The following MACIR variants were observed in gnomAD, a reference collection of about 807,000 sequenced individuals.
MACIR encodes the protein macrophage immunometabolism regulator, also known as UNC119-binding protein C5orf30.
MACIR carries 4 observed loss-of-function variants against 14.3 expected under a neutral mutation model. The observed-to-expected ratio is 0.28, with a 90% confidence interval of 0.14 to 0.64. MACIR has a LOEUF of 0.64. Among genes scored for constraint, MACIR ranks in the 30% least tolerant of loss-of-function variants. MACIR has a pLI of 0.83. For synonymous variants in MACIR, 101 were observed against 102.4 expected (o/e 0.99, Z 0.08); for missense variants, 228 against 257.6 (o/e 0.89, Z 0.79).
Position 103,261,701 on chromosome 5 carries a change from T to TCTTC in MACIR, c.-114+2809_-114+2812dup, listed in dbSNP as rs1255946101. 1.8e-3 allele frequency among the ~76,000 whole-genome samples: 214 copies of TCTTC among 116,180 alleles called. 4 individuals carry two copies. The highest frequency in any genetic ancestry group is 7.0e-3 in the African/African-American group (192 of 27,616). 76.2% of individuals were successfully genotyped at this position (116,180 alleles called of 152,430 possible). On this transcript the variant is annotated intron_variant, in intron 1 of 2. Coordinates refer to ENST00000319933, the MANE Select transcript of MACIR (RefSeq NM_033211.4). ...TTCTTTCTTTCTTTCTTTCTTTCTT[T>TCTTC]CTTCCTTTCTTTCTTTCTTTCTTTC...
intron 1 of MACIR, chr5:103,259,716 C>G (rs1404003587): frequency 6.6e-6 from 1 of 152,336 alleles, no homozygotes; most frequent in Non-Finnish European, 1.5e-5. Flanking sequence ...GGGCCCGGTC[C>G]GAGCCAGAAG....
intron 2 of MACIR, among the ~76,000 whole-genome samples, chr5:103,274,643 A>G (rs1805254399): frequency 6.6e-6 from 1 of 151,738 alleles, no homozygotes; most frequent in African/African-American, 2.4e-5. Context: ...CATGTGGTGG[A>G]ATAAAGTGCT....
chr5:103,267,423 T>G (rs1324853723), intron 2 of MACIR, among the ~76,000 whole-genome samples: 1 of 152,182 alleles, frequency 6.6e-6, no homozygotes, highest in Non-Finnish European at 1.5e-5. Flanking sequence ...AAATATTTTC[T>G]CTCTGTGATT....
chr5:103,274,609 C>G (rs1404791804), intron 2 of MACIR, among the ~76,000 whole-genome samples: 1 of 150,796 alleles, frequency 6.6e-6, no homozygotes, highest in East Asian at 1.9e-4. Flanking sequence ...TTCACAATCT[C>G]CTAATGAAGG....
Position 103,258,833 on chromosome 5 carries a change from C to G in MACIR, c.-177C>G, listed in dbSNP as rs374655483. On this transcript the variant is annotated 5_prime_UTR_variant, in exon 1 of 3. Transcript: ENST00000319933. The stretch of plus-strand genomic sequence containing the variant: ...CTCGGCGCCGCAGTCCTGCGCCTCT[C>G]CCGCCCCTGTCTCCCGCTCCGCAGC... 1 of 152,398 alleles carries G rather than the reference C, an allele frequency of 6.6e-6. No individual in the cohort carries two copies. Among genetic ancestry groups the G allele is most frequent in the Admixed American group, 6.5e-5 (1 of 15,294 alleles). The allele number at this position is 152,398 out of a possible 1,614,324, so 9.4% of individuals were successfully genotyped here.
In MACIR at chr5:103,261,709, T is replaced by TCTTTCTTTCTTTCTTTCTTC. The variant is rs1804733694; in HGVS notation, c.-114+2832_-114+2833insCCTTTCTTTCTTTCTTTCTT. 2.7e-3 allele frequency among the ~76,000 whole-genome samples: 282 copies of TCTTTCTTTCTTTCTTTCTTC among 102,974 alleles called. 5 individuals carry two copies. The highest frequency in any genetic ancestry group is 9.6e-3 in the Middle Eastern group (2 of 208). 67.6% of individuals were successfully genotyped at this position (102,974 alleles called of 152,430 possible). On this transcript the variant is annotated intron_variant, in intron 1 of 2. Coordinates refer to ENST00000319933, the MANE Select transcript of MACIR (RefSeq NM_033211.4). ...TTCTTTCTTTCTTTCTTTCTTCCTT[T>TCTTTCTTTCTTTCTTTCTTC]CTTTCTTTCTTTCTTTCTTTTCTTT...
chr5:103,263,510 A>C (rs1034994063), intron 1 of MACIR, among the ~76,000 whole-genome samples: 6 of 152,182 alleles, frequency 3.9e-5, no homozygotes, highest in Admixed American at 1.3e-4. Flanking sequence ...TCTGCTTTCA[A>C]ATCCAGACTA....
rs1805413688 is a variant in MACIR, at chr5:103,278,506, C to T, written c.*1966C>T. ...GTGACAACAACAATCAAACCATTTA[C>T]TTTTGATGCTCATTGGCATTTTATG... On this transcript the variant is annotated 3_prime_UTR_variant, in exon 3 of 3. Transcript: ENST00000319933. 6.0e-6 allele frequency: 1 copy of T among 167,022 alleles called. No homozygotes were observed. Among genetic ancestry groups the T allele is most frequent in the South Asian group, 2.1e-4 (1 of 4,828 alleles). 10.3% of individuals were successfully genotyped at this position (167,022 alleles called of 1,614,324 possible). A position where few individuals can be genotyped will look rare whatever the true frequency, so the allele number is the denominator to read the frequency against.
chr5:103,263,729 G>A (rs1380383979), intron 1 of MACIR, among the ~76,000 whole-genome samples: 1 of 152,094 alleles, frequency 6.6e-6, no homozygotes, highest in Non-Finnish European at 1.5e-5. Context: ...CCTCCTGCTT[G>A]TTTTAAATTG....
At chr5:103,261,642 CTTTCTTTCTT>C (rs1562545603) in intron 1 of MACIR, among the ~76,000 whole-genome samples, 2 of 28,960 alleles carry the variant, frequency 6.9e-5, no homozygotes, top group African/African-American at 3.7e-4. Context: ...TTTTCTTTTT[CTTTCTTTCTT>C]TCTTTCTTTC....
chr5:103,276,448 A>G lies in MACIR; in HGVS notation c.529A>G (p.Ile177Val), dbSNP rs781995637. 6.2e-7 allele frequency: 1 copy of G among 1,614,062 alleles called. No individual in the cohort carries two copies. The highest frequency in any genetic ancestry group is 1.1e-5 in the South Asian group (1 of 91,078). The change falls in exon 3 of 3, where the codon ATC becomes GTC. Residue 177 changes from isoleucine to valine, a missense_variant. By Grantham distance (29) the Ile-to-Val change is conservative. Transcript: ENST00000319933. ...GGACTACCTCAATCTAGATAAAATG[A>G]TCAAGGAGCCAGCTGATACAGAAGT... Reference protein sequence around the residue: ...SLDYLNLDKMIKEPADTEVLQ... With the variant: ...SLDYLNLDKMVKEPADTEVLQ...
intron 1 of MACIR, among the ~76,000 whole-genome samples, chr5:103,260,239 A>G (rs1554236117): frequency 6.7e-6 from 1 of 149,590 alleles, no homozygotes; most frequent in African/African-American, 2.5e-5. Context: ...TTTTTTTCCG[A>G]AGAGCCAACC....
chr5:103,275,864 A>G (rs1554237593), intron 2 of MACIR, 33 bp from the exon 3 acceptor site: 2 of 1,552,716 alleles, frequency 1.3e-6, no homozygotes, highest in Middle Eastern at 1.8e-4. Flanking sequence ...TCTGTGCATT[A>G]TATTCTTCTA....
At chr5:103,269,076 A>T (rs2149928445) in intron 2 of MACIR, among the ~76,000 whole-genome samples, 2 of 152,074 alleles carry the variant, frequency 1.3e-5, no homozygotes, top group Middle Eastern at 6.8e-3. Flanking sequence ...AGATTTGGTG[A>T]TGCACACCTA....
chr5:103,269,451 T>TA (rs3217373), intron 2 of MACIR, among the ~76,000 whole-genome samples: 44,834 of 151,816 alleles, frequency 0.3, 6,628 homozygotes, highest in Non-Finnish European at 0.32. Context: ...TGTATGTTGC[T>TA]AAAAAAAACA....
rs376677449 is a variant in MACIR at position 103,276,224 on chromosome 5, G to T, written c.305G>T (p.Arg102Leu). 6.2e-7 allele frequency: 1 copy of T among 1,613,290 alleles called. No individual in the cohort carries two copies. Among genetic ancestry groups the T allele is most frequent in the South Asian group, 1.1e-5 (1 of 90,996 alleles). The change falls in exon 3 of 3, where the codon CGT becomes CTT. Residue 102 changes from arginine (R) to leucine (L), a missense_variant. By Grantham distance (102) the Arg-to-Leu change is moderately radical. Transcript: ENST00000319933. ...AAACAGCTAGATGCAGGACTTGCCCGTTCCTCTCGTTTGTATAAAACCAGA... is the reference window on the plus strand; with the variant it reads ...AAACAGCTAGATGCAGGACTTGCCCTTTCCTCTCGTTTGTATAAAACCAGA... Reference protein sequence around the residue: ...RSKQLDAGLARSSRLYKTRSR... With the variant: ...RSKQLDAGLALSSRLYKTRSR...
At chr5:103,264,031 C>T (rs192643871) in intron 1 of MACIR, among the ~76,000 whole-genome samples, 1 of 152,272 alleles carries the variant, frequency 6.6e-6, no homozygotes, top group Non-Finnish European at 1.5e-5. Context: ...CCAACCATTT[C>T]ACAAATGAGG....
At chr5:103,278,659 T>TTTTTG (rs1183127436) in exon 3 of MACIR, 3 of 167,038 alleles carry the variant, frequency 1.8e-5, no homozygotes, top group Non-Finnish European at 4.4e-5. Context: ...TTTGTAGCTT[T>TTTTTG]TTTTGTTTTG....
At chr5:103,273,127 T>A (rs1805195428) in intron 2 of MACIR, among the ~76,000 whole-genome samples, 1 of 152,238 alleles carries the variant, frequency 6.6e-6, no homozygotes, top group Non-Finnish European at 1.5e-5. Flanking sequence ...TTAGAAATGC[T>A]TATTCTTTCA....
Sources: allele counts gnomAD v4.1 joint callset (sites outside exome capture counted in the v4.1 genomes callset), GRCh38; gene constraint gnomAD v4.1.1; transcripts MANE v1.5; gene names NCBI Gene and HGNC (gene_info 2026-07-23, HGNC 2026-07-21).